B3GALT1: variants seen among roughly 807,000 people sequenced by gnomAD.
B3GALT1 encodes UDP-Gal:betaGlcNAc beta 1,3-galactosyltransferase, polypeptide 1.
Under a neutral mutation model 23.2 loss-of-function variants are expected in B3GALT1, and 10 were observed. That is an observed-to-expected ratio of 0.43 (90% CI 0.27 to 0.73). B3GALT1 has a LOEUF of 0.73. Ranked by LOEUF, B3GALT1 falls within the 30% of genes least tolerant of loss-of-function variation. B3GALT1 has a pLI of 0.21. For synonymous variants in B3GALT1, 156 were observed against 141.5 expected (o/e 1.10, Z -0.73); for missense variants, 299 against 405.4 (o/e 0.74, Z 2.25).
intron 1 of B3GALT1, among the ~76,000 whole-genome samples, chr2:167,465,532 T>G (rs1438964628): frequency 6.6e-6 from 1 of 152,106 alleles, no homozygotes; most frequent in Admixed American, 6.6e-5. Context: ...ACAGGGCAAA[T>G]AGCTCCCTTG....
intron 1 of B3GALT1, among the ~76,000 whole-genome samples, chr2:167,426,060 T>C (rs1698617805): frequency 6.6e-6 from 1 of 152,138 alleles, no homozygotes; most frequent in African/African-American, 2.4e-5. Flanking sequence ...GAGAAAAATA[T>C]CCTCCATATA....
At chr2:167,712,804 A>T (rs1056279599) in intron 3 of B3GALT1, among the ~76,000 whole-genome samples, 1 of 152,184 alleles carries the variant, frequency 6.6e-6, no homozygotes, top group African/African-American at 2.4e-5. Flanking sequence ...CATTTTAAGC[A>T]CTAGGAAAAA....
intron 4 of B3GALT1, among the ~76,000 whole-genome samples, chr2:167,852,314 C>T (rs1689917925): frequency 6.6e-6 from 1 of 152,114 alleles, no homozygotes. Flanking sequence ...CACAAATGAC[C>T]TACCACAACA....
intron 2 of B3GALT1, among the ~76,000 whole-genome samples, chr2:167,606,827 C>T (rs1368119380): frequency 6.6e-6 from 1 of 152,040 alleles, no homozygotes; most frequent in African/African-American, 2.4e-5. Flanking sequence ...GTAAATTTTG[C>T]CAAGAACTTT....
At chr2:167,735,555 A>G (rs1158292758) in intron 3 of B3GALT1, among the ~76,000 whole-genome samples, 1 of 152,242 alleles carries the variant, frequency 6.6e-6, no homozygotes, top group East Asian at 1.9e-4. Flanking sequence ...ACTGGCTCAA[A>G]GCTAGTTGCC....
intron 3 of B3GALT1, among the ~76,000 whole-genome samples, chr2:167,771,717 C>G (rs1688075054): frequency 6.6e-6 from 1 of 152,132 alleles, no homozygotes. Context: ...CATGAGAAGA[C>G]TCAGATAGAC....
chr2:167,463,945 C>G (rs901657800), intron 1 of B3GALT1, among the ~76,000 whole-genome samples: 7 of 152,088 alleles, frequency 4.6e-5, no homozygotes, highest in Non-Finnish European at 1.0e-4. Flanking sequence ...CTGTCCAACC[C>G]CAATGATCTG....
intron 3 of B3GALT1, among the ~76,000 whole-genome samples, chr2:167,664,753 G>C (rs1272801190): frequency 3.3e-5 from 5 of 151,592 alleles, no homozygotes; most frequent in African/African-American, 1.2e-4. Context: ...TCATGATTTG[G>C]CTCTCTGTTT....
intron 1 of B3GALT1, among the ~76,000 whole-genome samples, chr2:167,336,788 G>A (rs904705074): frequency 1.3e-5 from 2 of 151,944 alleles, no homozygotes; most frequent in African/African-American, 4.8e-5. Flanking sequence ...TCTTAAATCA[G>A]TAGTTGGCCT....
intron 3 of B3GALT1, among the ~76,000 whole-genome samples, chr2:167,766,868 G>C (rs1328250198): frequency 6.6e-6 from 1 of 152,154 alleles, no homozygotes; most frequent in East Asian, 1.9e-4. Context: ...ACAAAAAAGT[G>C]CCTTAAGCAT....
intron 1 of B3GALT1, among the ~76,000 whole-genome samples, chr2:167,358,047 C>T (rs1325979617): frequency 6.6e-6 from 1 of 152,166 alleles, no homozygotes; most frequent in Admixed American, 6.5e-5. Flanking sequence ...AAAAAGCCCA[C>T]TCTAATTATT....
intron 2 of B3GALT1, among the ~76,000 whole-genome samples, chr2:167,523,827 C>G (rs890220632): frequency 6.6e-6 from 1 of 152,088 alleles, no homozygotes; most frequent in Non-Finnish European, 1.5e-5. Flanking sequence ...AGTGATATCA[C>G]AAAGACATTT....
chr2:167,647,938 T>C (rs1460898023), intron 3 of B3GALT1, among the ~76,000 whole-genome samples: 5 of 152,172 alleles, frequency 3.3e-5, no homozygotes, highest in Non-Finnish European at 7.4e-5. Flanking sequence ...CAACCTAATT[T>C]CGCTCTTTAA....
chr2:167,692,438 G>T (rs565858349), intron 3 of B3GALT1, among the ~76,000 whole-genome samples: 26 of 152,064 alleles, frequency 1.7e-4, no homozygotes, highest in East Asian at 1.2e-3. Context: ...ATCCCATATG[G>T]CATAATTTCC....
chr2:167,589,524 A>G lies in B3GALT1; in HGVS notation c.-409-57385A>G, dbSNP rs1684639228. 3.9e-5 allele frequency among the ~76,000 whole-genome samples: 6 copies of G among 152,306 alleles called. No individual in the cohort carries two copies. The South Asian group carries it at 1.2e-3, about 32-fold the overall frequency. Reference sequence around the variant, plus strand: ...GATTGAAAAATTTTTGTTGTTTGAAACAACTCTGTTTATTCTAATAACATT... The same window carrying G: ...GATTGAAAAATTTTTGTTGTTTGAAGCAACTCTGTTTATTCTAATAACATT... On this transcript the variant is annotated intron_variant, in intron 2 of 4. Transcript: ENST00000392690.
At chr2:167,365,118 T>A (rs1387226817) in intron 1 of B3GALT1, among the ~76,000 whole-genome samples, 1 of 152,142 alleles carries the variant, frequency 6.6e-6, no homozygotes, top group Non-Finnish European at 1.5e-5. Context: ...CAGAACAGTT[T>A]GGGAATTTTT....
At chr2:167,609,302 C>T (rs1370922009) in intron 2 of B3GALT1, among the ~76,000 whole-genome samples, 2 of 152,164 alleles carry the variant, frequency 1.3e-5, no homozygotes, top group African/African-American at 2.4e-5. Context: ...TGGGGACAGT[C>T]TTTACCCATG....
chr2:167,614,356 C>T (rs1305121501), intron 2 of B3GALT1, among the ~76,000 whole-genome samples: 1 of 148,706 alleles, frequency 6.7e-6, no homozygotes, highest in Non-Finnish European at 1.5e-5. Context: ...GAGACAAAGT[C>T]TTTGTAAAAA....
At chr2:167,518,885 G>A (rs1354723407) in intron 2 of B3GALT1, among the ~76,000 whole-genome samples, 1 of 152,138 alleles carries the variant, frequency 6.6e-6, no homozygotes, top group Non-Finnish European at 1.5e-5. Flanking sequence ...TTAGAATATG[G>A]TGCTAATGAG....
Sources: allele counts gnomAD v4.1 joint callset (sites outside exome capture counted in the v4.1 genomes callset), GRCh38; gene constraint gnomAD v4.1.1; transcripts MANE v1.5; gene names NCBI Gene and HGNC (gene_info 2026-07-23, HGNC 2026-07-21).